TSGA10: variants seen among roughly 807,000 people sequenced by gnomAD.
TSGA10 encodes testis specific 10.
A neutral mutation model predicts 96.6 loss-of-function variants in TSGA10; 43 were observed. The observed-to-expected ratio is 0.44, with a 90% CI of 0.35 to 0.57. TSGA10 has a LOEUF of 0.57. Ranked by LOEUF, TSGA10 falls within the 20% of genes least tolerant of loss-of-function variation. TSGA10 has a pLI of 0.01. For missense variants in TSGA10, 703 were observed against 834.4 expected, an observed-to-expected ratio of 0.84 and a Z score of 1.94; for synonymous variants, 229 against 269.9, an observed-to-expected ratio of 0.85 and a Z score of 1.48.
intron 10 of TSGA10, among the ~76,000 whole-genome samples, chr2:99,101,083 G>A (rs1318610982): frequency 2.0e-5 from 3 of 150,594 alleles, no homozygotes; most frequent in African/African-American, 7.3e-5. Context: ...CTAACACCGT[G>A]AAACCCCATC....
intron 16 of TSGA10, among the ~76,000 whole-genome samples, chr2:99,050,389 T>A (rs528886384): frequency 2.0e-5 from 3 of 152,308 alleles, no homozygotes; most frequent in South Asian, 4.1e-4. Flanking sequence ...GATTTTCATA[T>A]GTATTTTGAA....
intron 7 of TSGA10, among the ~76,000 whole-genome samples, chr2:99,106,042 T>G (rs1249936637): frequency 6.6e-6 from 1 of 152,170 alleles, no homozygotes; most frequent in African/African-American, 2.4e-5. Flanking sequence ...ACTACCGGTT[T>G]AATGAATATT....
intron 20 of TSGA10, among the ~76,000 whole-genome samples, chr2:99,008,199 C>A (rs927040367): frequency 1.3e-5 from 2 of 152,038 alleles, no homozygotes; most frequent in Non-Finnish European, 2.9e-5. Context: ...GCTTTAAAAT[C>A]TGACTACACA....
intron 11 of TSGA10, among the ~76,000 whole-genome samples, 153 bp downstream of exon 11, chr2:99,081,129 A>C (rs1338380376): frequency 2.0e-5 from 3 of 152,188 alleles, no homozygotes; most frequent in African/African-American, 7.2e-5. Flanking sequence ...TTTTGCTGTC[A>C]AAGAAAAATG....
intron 1 of TSGA10, among the ~76,000 whole-genome samples, chr2:99,144,649 C>CAAAAAAAAAAAAAAAA (rs70940140): frequency 9.6e-5 from 5 of 52,268 alleles, no homozygotes; most frequent in Admixed American, 2.7e-4. Flanking sequence ...AACTCTGTCT[C>CAAAAAAAAAAAAAAAA]AAAAAAAAAA....
chr2:99,020,599 T>C, intron 17 of TSGA10, 117 bp from the exon 18 acceptor site: 1 of 679,096 alleles, frequency 1.5e-6, no homozygotes, highest in Non-Finnish European at 2.5e-6. Context: ...ACTTTTAATG[T>C]GATTTGAAAT....
intron 12 of TSGA10, among the ~76,000 whole-genome samples, chr2:99,073,556 C>A (rs929469561): frequency 6.6e-6 from 1 of 152,060 alleles, no homozygotes; most frequent in Non-Finnish European, 1.5e-5. Flanking sequence ...TTTATATTAG[C>A]CAGCAACAAA....
intron 2 of TSGA10, among the ~76,000 whole-genome samples, chr2:99,122,674 C>G (rs2092635355): frequency 6.6e-6 from 1 of 150,560 alleles, no homozygotes; most frequent in Non-Finnish European, 1.5e-5. Context: ...GCCTGCAGTC[C>G]CAATTACTTG....
intron 12 of TSGA10, among the ~76,000 whole-genome samples, chr2:99,074,539 C>G (rs1053755502): frequency 6.6e-6 from 1 of 151,564 alleles, no homozygotes; most frequent in Non-Finnish European, 1.5e-5. Flanking sequence ...TCAAGAAGGA[C>G]AAGCCAACGA....
intron 16 of TSGA10, among the ~76,000 whole-genome samples, chr2:99,062,779 T>A (rs1385231729): frequency 6.6e-6 from 1 of 151,978 alleles, no homozygotes; most frequent in Non-Finnish European, 1.5e-5. Context: ...TAAATCATAA[T>A]GAAACGAGAT....
rs1293305451 is a variant in TSGA10, at chr2:99,009,399, C to T, written c.2072+8801G>A. On this transcript the variant is annotated intron_variant, in intron 20 of 20. Transcript: ENST00000393483. ...ATCCTGGCTAACACGGTGAAAACCC[C>T]GTCTCTACTAAAAATACAAAAAATT... Among the ~76,000 whole-genome samples, 4 of 151,266 alleles carry T rather than the reference C, an allele frequency of 2.6e-5. No homozygotes were observed. The South Asian group carries it at 6.3e-4, about 24-fold the overall frequency.
intron 15 of TSGA10, among the ~76,000 whole-genome samples, chr2:99,068,031 T>C (rs922689327): frequency 5.3e-5 from 8 of 152,154 alleles, no homozygotes; most frequent in Non-Finnish European, 1.2e-4. Flanking sequence ...CTTTTGTTCA[T>C]TTATGGTATT....
intron 12 of TSGA10, among the ~76,000 whole-genome samples, chr2:99,076,012 C>A (rs765681334): frequency 1.3e-5 from 2 of 152,156 alleles, no homozygotes; most frequent in Non-Finnish European, 2.9e-5. Flanking sequence ...TTGATGACCT[C>A]AATTATGTTC....
intron 1 of TSGA10, among the ~76,000 whole-genome samples, chr2:99,143,741 G>A (rs933371109): frequency 3.3e-5 from 5 of 152,102 alleles, no homozygotes; most frequent in Non-Finnish European, 4.4e-5. Context: ...CAAGTGCTGG[G>A]ATTATATGCA....
chr2:99,061,268 A>T (rs1342666472), intron 16 of TSGA10, among the ~76,000 whole-genome samples: 1 of 152,246 alleles, frequency 6.6e-6, no homozygotes, highest in African/African-American at 2.4e-5. Context: ...ATGACCAGTA[A>T]GCATGTGAAA....
At position 99,154,905 on chromosome 2, in the gene TSGA10, C is replaced by T. The variant is rs2093733519; in HGVS notation, c.-833G>A. ...GGAGAGACTAGGCGCGATCCCTGCG[C>T]GCCCCTCCTTCTCTTGCGCTTCAGG... On this transcript the variant is annotated 5_prime_UTR_variant, in exon 1 of 21. Coordinates refer to ENST00000393483, the MANE Select transcript of TSGA10 (RefSeq NM_025244.4). The T allele has an allele frequency of 9.4e-6, 4 of 424,830 alleles. No homozygotes were observed. The highest frequency in any genetic ancestry group is 1.9e-5 in the Non-Finnish European group (4 of 210,752). The allele number at this position is 424,830 out of a possible 1,614,324, so 26.3% of individuals were successfully genotyped here.
intron 12 of TSGA10, among the ~76,000 whole-genome samples, 189 bp downstream of exon 12, chr2:99,078,470 T>C (rs2087021842): frequency 6.6e-6 from 1 of 152,206 alleles, no homozygotes; most frequent in Non-Finnish European, 1.5e-5. Context: ...TATTAGCTAC[T>C]AGATTTGTAC....
intron 16 of TSGA10, among the ~76,000 whole-genome samples, chr2:99,059,408 G>C (rs1370995497): frequency 2.5e-4 from 38 of 151,978 alleles, no homozygotes; most frequent in African/African-American, 2.4e-5. Flanking sequence ...GCCGACGTGG[G>C]CAGATCACCT....
chr2:99,133,411 T>C (rs915405135), intron 1 of TSGA10, among the ~76,000 whole-genome samples: 4 of 152,196 alleles, frequency 2.6e-5, no homozygotes, highest in Non-Finnish European at 5.9e-5. Flanking sequence ...CTGCAACCCC[T>C]GCTTTTTTTT....
Sources: allele counts gnomAD v4.1 joint callset (sites outside exome capture counted in the v4.1 genomes callset), GRCh38; gene constraint gnomAD v4.1.1; transcripts MANE v1.5; gene names NCBI Gene and HGNC (gene_info 2026-07-23, HGNC 2026-07-21).